The following DCX variants were observed in gnomAD, a reference collection of about 807,000 sequenced individuals.
DCX encodes doublecortin.
DCX carries 4 observed loss-of-function variants against 20.9 expected under a neutral mutation model. The observed-to-expected ratio is 0.19, with a 90% CI of 0.09 to 0.44. The LOEUF (loss-of-function observed/expected upper bound fraction) is 0.44. Ranked by LOEUF, DCX falls within the 20% of genes least tolerant of loss-of-function variation. The pLI is 0.99. For synonymous variants in DCX, 103 were observed against 111.4 expected (o/e 0.92, Z 0.47); for missense variants, 133 against 296.9 (o/e 0.45, Z 4.06).
chrX:111,349,342 C>G (rs189995781), intron 3 of DCX, among the ~76,000 whole-genome samples: 25 of 111,589 alleles, frequency 2.2e-4, no homozygotes, highest in African/African-American at 7.5e-4. Context: ...TCCTGAGACT[C>G]CAGTCCAAAG....
intron 3 of DCX, among the ~76,000 whole-genome samples, chrX:111,377,098 C>T (rs1044688222): frequency 9.0e-6 from 1 of 111,549 alleles, no homozygotes; most frequent in African/African-American, 3.3e-5. Context: ...CACCTGACCC[C>T]TCCTCCTCCT....
Position 111,316,014 on chromosome X carries a change from G to A in DCX, c.947-3278C>T, listed in dbSNP as rs1243903594. ...TTAGTGGGTGCAGCGCACCAGCATG[G>A]CACATGTATACATATGTAACTAACC... On this transcript the variant is annotated intron_variant, in intron 5 of 6. Transcript: ENST00000636035. Among the ~76,000 whole-genome samples, 7 of 60,786 alleles carry A rather than the reference G, an allele frequency of 1.2e-4. 1 individual carries two copies. Among genetic ancestry groups the A allele is most frequent in the African/African-American group, 1.6e-4 (2 of 12,359 alleles). The allele number at this position is 60,786 out of a possible 115,157, so 52.8% of individuals were successfully genotyped here.
intron 3 of DCX, among the ~76,000 whole-genome samples, chrX:111,385,880 T>G (rs1195404256): frequency 9.1e-6 from 1 of 109,922 alleles, no homozygotes; most frequent in African/African-American, 3.3e-5. Context: ...CAAAGGGAAG[T>G]TTCCTAGAGA....
chrX:111,320,308 T>C (rs1399035095), intron 5 of DCX, among the ~76,000 whole-genome samples: 1 of 112,160 alleles, frequency 8.9e-6, no homozygotes, highest in East Asian at 2.8e-4. Context: ...TTGACATGGA[T>C]TCTAGAGCCA....
chrX:111,299,653 C>A lies in DCX; in HGVS notation c.*2034G>T, dbSNP rs1028825895. 4 of 111,387 alleles carry A rather than the reference C, an allele frequency of 3.6e-5. No homozygotes were observed. In the Admixed American group the frequency reaches 3.8e-4, roughly 11 times the overall value. The allele number at this position is 111,387 out of a possible 1,213,427, so 9.2% of individuals were successfully genotyped here. A position where few individuals can be genotyped will look rare whatever the true frequency, so the allele number is the denominator to read the frequency against. On this transcript the variant is annotated 3_prime_UTR_variant, in exon 7 of 7. Coordinates refer to ENST00000636035, the MANE Select transcript of DCX (RefSeq NM_001195553.2). ...AATGTTCTGGGAGGCACTAAGAAAA[C>A]CCTGAGCTTCTAGAAAGAAATAGGG...
At chrX:111,400,332 C>G (rs772364545) in intron 3 of DCX, among the ~76,000 whole-genome samples, 2 of 111,838 alleles carry the variant, frequency 1.8e-5, no homozygotes, top group East Asian at 5.6e-4. Flanking sequence ...ACATGAAGAA[C>G]CTGATTTGGA....
chrX:111,362,190 G>A (rs1924262095), intron 3 of DCX, among the ~76,000 whole-genome samples: 1 of 111,298 alleles, frequency 9.0e-6, no homozygotes, highest in African/African-American at 3.3e-5. Context: ...AAAAAAGATG[G>A]AGAAAAAACC....
chrX:111,371,933 TACACACACACACAC>T (rs56304092), intron 3 of DCX, among the ~76,000 whole-genome samples: 12 of 97,485 alleles, frequency 1.2e-4, no homozygotes, highest in East Asian at 3.3e-4. Flanking sequence ...GATATATGTG[TACACACACACACAC>T]ACACACACAC....
chrX:111,340,302 C>T (rs1922109960), intron 3 of DCX, among the ~76,000 whole-genome samples: 1 of 110,535 alleles, frequency 9.0e-6, no homozygotes, highest in Admixed American at 9.4e-5. Context: ...CTCATCCTTC[C>T]TCACTGGGTG....
Position 111,402,785 on chromosome X carries a change from GTGTGTGTGTGT to G in DCX, c.365-1466_365-1456del, listed in dbSNP as rs1449925768. ...GTATGTGTGTGTGTGTGTGCGTGGT[GTGTGTGTGTGT>G]GTGTGTGTGTGTGTGTGTGTGTGTG... On this transcript the variant is annotated intron_variant, in intron 2 of 6. Transcript: ENST00000636035. 1.1e-3 allele frequency among the ~76,000 whole-genome samples: 5 copies of G among 4,468 alleles called. No homozygotes were observed. In the East Asian group the frequency reaches 0.45, roughly 406 times the overall value. The allele number at this position is 4,468 out of a possible 115,157, so 3.9% of individuals were successfully genotyped here.
chrX:111,318,158 C>T (rs1290411006), intron 5 of DCX, among the ~76,000 whole-genome samples: 9 of 94,610 alleles, frequency 9.5e-5, no homozygotes, highest in African/African-American at 3.7e-4. Flanking sequence ...ACACTCCAGC[C>T]TGGGTGTCAG....
At chrX:111,358,715 A>G (rs1433479098) in intron 3 of DCX, among the ~76,000 whole-genome samples, 3 of 111,992 alleles carry the variant, frequency 2.7e-5, no homozygotes, top group Non-Finnish European at 5.6e-5. Flanking sequence ...CACTCACAAA[A>G]TCCCAGAAAC....
At chrX:111,358,749 G>A (rs1923961904) in intron 3 of DCX, among the ~76,000 whole-genome samples, 2 of 111,706 alleles carry the variant, frequency 1.8e-5, no homozygotes, top group Non-Finnish European at 1.9e-5. Flanking sequence ...GCTGCAATAA[G>A]ATAGTTCAAC....
At chrX:111,341,863 C>T (rs1922270799) in intron 3 of DCX, among the ~76,000 whole-genome samples, 1 of 110,918 alleles carries the variant, frequency 9.0e-6, no homozygotes, top group Middle Eastern at 4.6e-3. Flanking sequence ...CTTGAAAGAG[C>T]TCCTGAAAGA....
intron 3 of DCX, among the ~76,000 whole-genome samples, chrX:111,385,838 A>G (rs1041858521): frequency 1.1e-5 from 1 of 95,133 alleles, no homozygotes; most frequent in Non-Finnish European, 2.1e-5. Flanking sequence ...GGAAGGAAGG[A>G]AGGAAGGGAA....
At position 111,310,099 on chromosome X, in the gene DCX, G is replaced by A. The variant is rs185173938; in HGVS notation, c.1044+2540C>T. 4.8e-3 allele frequency among the ~76,000 whole-genome samples: 536 copies of A among 112,474 alleles called. 3 individuals carry two copies. The highest frequency in any genetic ancestry group is 0.016 in the African/African-American group (504 of 30,961). Reference sequence around the variant, plus strand: ...TGTAATCCCAGCACTTCGGAAGGCCGAGGCAGGCGGATCACGAGGTCAGGA... The same window carrying A: ...TGTAATCCCAGCACTTCGGAAGGCCAAGGCAGGCGGATCACGAGGTCAGGA... On this transcript the variant is annotated intron_variant, in intron 6 of 6. Coordinates refer to ENST00000636035, the MANE Select transcript of DCX (RefSeq NM_001195553.2).
chrX:111,355,652 T>C (rs553914160), intron 3 of DCX, among the ~76,000 whole-genome samples: 95 of 111,370 alleles, frequency 8.5e-4, no homozygotes, highest in Non-Finnish European at 1.7e-3. Flanking sequence ...ACTTTAGCCA[T>C]CCAAATTCAG....
At chrX:111,363,541 GTTTTTGGAACCCCTT>G (rs1280602345) in intron 3 of DCX, among the ~76,000 whole-genome samples, 1 of 107,661 alleles carries the variant, frequency 9.3e-6, no homozygotes, top group Non-Finnish European at 1.9e-5. Context: ...TTCTGTTTGA[GTTTTTGGAACCCCTT>G]CTTCTGATCC....
intron 3 of DCX, among the ~76,000 whole-genome samples, chrX:111,353,674 T>G (rs544051329): frequency 9.0e-6 from 1 of 111,609 alleles, no homozygotes; most frequent in South Asian, 3.8e-4. Flanking sequence ...GAATTGGTCT[T>G]TTATTCAAGG....
Sources: allele counts gnomAD v4.1 joint callset (sites outside exome capture counted in the v4.1 genomes callset), GRCh38; gene constraint gnomAD v4.1.1; transcripts MANE v1.5; gene names NCBI Gene and HGNC (gene_info 2026-07-23, HGNC 2026-07-21).